The following COL4A6 variants were observed in gnomAD, a reference collection of about 807,000 sequenced individuals.
The protein encoded by COL4A6 is collagen type IV alpha 6 chain.
Under a neutral mutation model 126.7 loss-of-function variants are expected in COL4A6, and 59 were observed. That is an observed-to-expected ratio of 0.47 (90% CI 0.38 to 0.58). The LOEUF is 0.58. COL4A6 is among the 20% of genes least tolerant of loss of function. COL4A6 has a pLI of 0.00. For missense variants in COL4A6, 1,285 were observed against 1,337.3 expected (o/e 0.96, Z 0.61); for synonymous variants, 547 against 496.6 (o/e 1.10, Z -1.35).
intron 2 of COL4A6, among the ~76,000 whole-genome samples, chrX:108,350,407 T>C (rs749441624): frequency 1.8e-5 from 2 of 111,210 alleles, no homozygotes; most frequent in Non-Finnish European, 3.8e-5. Context: ...TAGAAACTTG[T>C]AGGAAATACA....
Position 108,196,588 on chromosome X carries a change from A to T in COL4A6, c.835-9T>A. 2 of 1,176,462 alleles carry T rather than the reference A, an allele frequency of 1.7e-6. No individual in the cohort carries two copies. The highest frequency in any genetic ancestry group is 2.3e-6 in the Non-Finnish European group (2 of 871,927). On this transcript the variant is annotated splice_polypyrimidine_tract_variant and intron_variant, in intron 13 of 44. Coordinates refer to ENST00000334504, the MANE Select transcript of COL4A6 (RefSeq NM_033641.4). ...CCAGTAGTTCCAAGGCCCTAAATGA[A>T]AAAAGAAACCACAAGTTATAACGTT...
intron 2 of COL4A6, among the ~76,000 whole-genome samples, chrX:108,341,055 T>A (rs1377605169): frequency 1.8e-5 from 2 of 111,202 alleles, no homozygotes; most frequent in African/African-American, 6.5e-5. Flanking sequence ...AGCTGCTGTA[T>A]CCTAGGGTTT....
chrX:108,169,723 G>C (rs946515632), intron 36 of COL4A6, 103 bp from the exon 37 acceptor site: 1 of 1,032,988 alleles, frequency 9.7e-7, no homozygotes, highest in African/African-American at 1.9e-5. Context: ...ACAGACACCA[G>C]AGGCAGAGTA....
intron 2 of COL4A6, among the ~76,000 whole-genome samples, chrX:108,343,165 A>ATATATAGTGTGTGTGTGTGTGT (rs1377817612): frequency 3.2e-5 from 1 of 31,412 alleles, no homozygotes; most frequent in African/African-American, 9.1e-5. Flanking sequence ...ATATATATAT[A>ATATATAGTGTGTGTGTGTGTGT]GTGTGTGTGT....
intron 3 of COL4A6, among the ~76,000 whole-genome samples, chrX:108,272,660 G>A (rs1040059231): frequency 9.1e-6 from 1 of 110,362 alleles, no homozygotes; most frequent in Admixed American, 9.6e-5. Context: ...TCTTCTTACT[G>A]TTTGGTTATC....
At chrX:108,392,445 G>T (rs1183423232) in intron 2 of COL4A6, among the ~76,000 whole-genome samples, 2 of 106,241 alleles carry the variant, frequency 1.9e-5, no homozygotes, top group African/African-American at 6.9e-5. Context: ...ATTAAAAATG[G>T]ACAAATGATC....
At chrX:108,288,374 C>T (rs1434309109) in intron 3 of COL4A6, among the ~76,000 whole-genome samples, 1 of 111,707 alleles carries the variant, frequency 9.0e-6, no homozygotes, top group Non-Finnish European at 1.9e-5. Flanking sequence ...AAAAAAAGTA[C>T]ATTTTTTTTG....
chrX:108,208,246 C>T (rs899063145), intron 8 of COL4A6, among the ~76,000 whole-genome samples: 2 of 111,583 alleles, frequency 1.8e-5, no homozygotes, highest in Admixed American at 1.9e-4. Context: ...ATCTTAACAT[C>T]CCTCCTTCCA....
intron 13 of COL4A6, among the ~76,000 whole-genome samples, chrX:108,201,890 G>A (rs750951604): frequency 9.0e-6 from 1 of 111,247 alleles, no homozygotes; most frequent in East Asian, 2.8e-4. Context: ...GCCTTTGAAC[G>A]GCTTCCCATT....
chrX:108,228,414 A>G (rs2036225398), intron 3 of COL4A6, among the ~76,000 whole-genome samples: 1 of 112,571 alleles, frequency 8.9e-6, no homozygotes, highest in Non-Finnish European at 1.9e-5. Flanking sequence ...ATGAATATAC[A>G]TGTAGGGGCT....
At chrX:108,370,370 G>A (rs1376064791) in intron 2 of COL4A6, among the ~76,000 whole-genome samples, 1 of 111,287 alleles carries the variant, frequency 9.0e-6, no homozygotes, top group African/African-American at 3.3e-5. Context: ...GTTCTCTTAG[G>A]CAAAATGTTC....
intron 13 of COL4A6, among the ~76,000 whole-genome samples, chrX:108,198,516 G>A (rs1395313472): frequency 9.0e-6 from 1 of 111,598 alleles, no homozygotes; most frequent in African/African-American, 3.3e-5. Context: ...AGCTTGGCAA[G>A]ACACTGGCTG....
intron 20 of COL4A6, among the ~76,000 whole-genome samples, chrX:108,189,627 T>G (rs779939857): frequency 7.1e-5 from 8 of 112,511 alleles, no homozygotes; most frequent in Non-Finnish European, 1.5e-4. Context: ...CTTAATGCCC[T>G]TTTCCATCAA....
chrX:108,231,739 C>T (rs775280617), intron 3 of COL4A6, among the ~76,000 whole-genome samples: 4 of 112,034 alleles, frequency 3.6e-5, no homozygotes, highest in East Asian at 5.6e-4. Flanking sequence ...AGCTACACTG[C>T]GGAGAAAATA....
At chrX:108,260,451 T>C (rs921303961) in intron 3 of COL4A6, among the ~76,000 whole-genome samples, 7 of 111,492 alleles carry the variant, frequency 6.3e-5, no homozygotes, top group African/African-American at 2.3e-4. Flanking sequence ...TGGGAGATAA[T>C]TGAATCATGG....
intron 2 of COL4A6, among the ~76,000 whole-genome samples, chrX:108,325,829 T>C (rs1282287019): frequency 9.1e-6 from 1 of 110,136 alleles, no homozygotes; most frequent in African/African-American, 3.3e-5. Context: ...AAAACTATGA[T>C]TATCTCAATA....
intron 2 of COL4A6, among the ~76,000 whole-genome samples, chrX:108,396,401 T>A (rs968167928): frequency 8.9e-6 from 1 of 111,830 alleles, no homozygotes; most frequent in Non-Finnish European, 1.9e-5. Flanking sequence ...AACCTTTTCT[T>A]TTCTCATCTT....
intron 2 of COL4A6, among the ~76,000 whole-genome samples, chrX:108,373,753 C>G (rs1373814411): frequency 1.8e-5 from 2 of 112,027 alleles, no homozygotes; most frequent in Non-Finnish European, 3.8e-5. Context: ...CTTCAGTGCT[C>G]ATTTACTCTA....
At chrX:108,206,400 GT>G in intron 9 of COL4A6, 117 bp downstream of exon 9, 1 of 691,348 alleles carries the variant, frequency 1.4e-6, no homozygotes, top group Non-Finnish European at 2.4e-6. Flanking sequence ...AAGAATGGAG[GT>G]TGCCCTTGCT....
Sources: allele counts gnomAD v4.1 joint callset (sites outside exome capture counted in the v4.1 genomes callset), GRCh38; gene constraint gnomAD v4.1.1; transcripts MANE v1.5; gene names NCBI Gene and HGNC (gene_info 2026-07-23, HGNC 2026-07-21).